The following VWA3B variants were observed in gnomAD, a reference collection of about 807,000 sequenced individuals.
VWA3B encodes von Willebrand factor A domain containing 3B.
Under a neutral mutation model 158.3 loss-of-function variants are expected in VWA3B, and 138 were observed. The observed-to-expected ratio is 0.87, with a 90% confidence interval of 0.76 to 1.00. The LOEUF (loss-of-function observed/expected upper bound fraction) is 1.00. Among genes scored for constraint, VWA3B ranks in the 50% least tolerant of loss-of-function variants. The pLI, the probability that VWA3B is intolerant of heterozygous loss-of-function variation, is 0.00. For missense variants in VWA3B, 1,555 were observed against 1,565.1 expected (o/e 0.99, Z 0.11); for synonymous variants, 596 against 587.3 (o/e 1.01, Z -0.21).
At chr2:98,241,724 C>T (rs866312767) in intron 19 of VWA3B, among the ~76,000 whole-genome samples, 20 of 152,126 alleles carry the variant, frequency 1.3e-4, no homozygotes, top group Middle Eastern at 3.4e-3. Flanking sequence ...AGTTCTCAAG[C>T]ACATCCCATG....
At chr2:98,210,816 G>A (rs1389792754) in intron 12 of VWA3B, among the ~76,000 whole-genome samples, 1 of 152,188 alleles carries the variant, frequency 6.6e-6, no homozygotes, top group Non-Finnish European at 1.5e-5. Flanking sequence ...TAGCTAGGGT[G>A]TGGGTAATGT....
intron 22 of VWA3B, among the ~76,000 whole-genome samples, chr2:98,288,440 C>T (rs1689291945): frequency 6.6e-6 from 1 of 152,142 alleles, no homozygotes; most frequent in African/African-American, 2.4e-5. Flanking sequence ...CAATGGTTTA[C>T]ATTGTAGTTC....
At chr2:98,179,670 CTTTTCTTTCTTTCTTTCTCTTCCTTTCT>C in intron 8 of VWA3B, among the ~76,000 whole-genome samples, 1 of 151,964 alleles carries the variant, frequency 6.6e-6, no homozygotes, top group Non-Finnish European at 1.5e-5. Flanking sequence ...TTTTCTCTTT[CTTTTCTTTCTTTCTTTCTCTTCCTTTCT>C]TTTTCTTTCT....
chr2:98,122,449 G>T (rs563041528), intron 5 of VWA3B, among the ~76,000 whole-genome samples: 125 of 152,312 alleles, frequency 8.2e-4, no homozygotes, highest in Non-Finnish European at 1.3e-3. Flanking sequence ...GAGGGCAATG[G>T]TTTGTAATTG....
At chr2:98,150,948 G>A (rs372254232) in intron 7 of VWA3B, among the ~76,000 whole-genome samples, 6 of 152,040 alleles carry the variant, frequency 3.9e-5, no homozygotes, top group Admixed American at 6.6e-5. Flanking sequence ...GAGTCTTCTC[G>A]CCACCTGATG....
intron 10 of VWA3B, among the ~76,000 whole-genome samples, chr2:98,189,965 ATATATAAT>A (rs1327655957): frequency 6.6e-6 from 1 of 152,164 alleles, no homozygotes; most frequent in East Asian, 1.9e-4. Context: ...CAGACACAAG[ATATATAAT>A]TATATATGAG....
intron 16 of VWA3B, among the ~76,000 whole-genome samples, chr2:98,230,505 GTGTGTGTGTGTA>G (rs1426705135): frequency 6.6e-6 from 1 of 152,004 alleles, no homozygotes; most frequent in African/African-American, 2.4e-5. Context: ...ACCCGTGTGA[GTGTGTGTGTGTA>G]TGTGTGTGTG....
intron 1 of VWA3B, among the ~76,000 whole-genome samples, chr2:98,090,840 C>G (rs1321093659): frequency 6.6e-6 from 1 of 151,528 alleles, no homozygotes; most frequent in Non-Finnish European, 1.5e-5. Flanking sequence ...ACTGCAACCT[C>G]GAACTCCTGG....
intron 10 of VWA3B, among the ~76,000 whole-genome samples, chr2:98,189,677 T>C (rs1267980547): frequency 6.6e-6 from 1 of 152,218 alleles, no homozygotes; most frequent in Non-Finnish European, 1.5e-5. Context: ...AGTGTTGAAA[T>C]CTCCAACTGT....
At chr2:98,221,901 C>G (rs568181820) in intron 14 of VWA3B, among the ~76,000 whole-genome samples, 1 of 152,040 alleles carries the variant, frequency 6.6e-6, no homozygotes, top group Admixed American at 6.5e-5. Flanking sequence ...GGACTCAGCA[C>G]GAAGCTGAGC....
chr2:98,096,895 G>A (rs1481209418), intron 2 of VWA3B, among the ~76,000 whole-genome samples: 3 of 151,646 alleles, frequency 2.0e-5, no homozygotes, highest in Non-Finnish European at 2.9e-5. Flanking sequence ...TTATGTATTT[G>A]TATTCTCTAT....
At chr2:98,309,208 A>G (rs1200710916) in intron 26 of VWA3B, among the ~76,000 whole-genome samples, 17 of 151,882 alleles carry the variant, frequency 1.1e-4, no homozygotes, top group Non-Finnish European at 2.4e-4. Flanking sequence ...GCCTTTTTAG[A>G]GGGAGTATGA....
At chr2:98,146,143 A>G (rs1209082014) in intron 7 of VWA3B, among the ~76,000 whole-genome samples, 1 of 152,082 alleles carries the variant, frequency 6.6e-6, no homozygotes, top group African/African-American at 2.4e-5. Flanking sequence ...TGATGGCTTC[A>G]TATAGATATT....
intron 7 of VWA3B, among the ~76,000 whole-genome samples, chr2:98,160,198 T>G (rs1297058232): frequency 6.6e-6 from 1 of 152,174 alleles, no homozygotes; most frequent in African/African-American, 2.4e-5. Context: ...ACTAAGTCCT[T>G]AAAAGTGACC....
At chr2:98,210,304 A>T (rs529564058) in intron 12 of VWA3B, among the ~76,000 whole-genome samples, 204 of 152,140 alleles carry the variant, frequency 1.3e-3, no homozygotes, top group Non-Finnish European at 2.3e-3. Flanking sequence ...CCCCTAGAAG[A>T]TGTATTTAGC....
At chr2:98,270,447 G>A (rs949231569) in intron 21 of VWA3B, among the ~76,000 whole-genome samples, 1 of 152,220 alleles carries the variant, frequency 6.6e-6, no homozygotes, top group African/African-American at 2.4e-5. Context: ...ATAGGGAAAA[G>A]TGCCTACCAT....
At chr2:98,204,071 A>G (rs945734066) in intron 12 of VWA3B, among the ~76,000 whole-genome samples, 1 of 152,240 alleles carries the variant, frequency 6.6e-6, no homozygotes. Context: ...ATGCCATTTT[A>G]TACGATACTT....
chr2:98,186,647 G>A (rs762470996), intron 9 of VWA3B, among the ~76,000 whole-genome samples: 7 of 149,910 alleles, frequency 4.7e-5, no homozygotes, highest in African/African-American at 9.9e-5. Flanking sequence ...GAACGCTGTC[G>A]GTTCTGTTTT....
At chr2:98,134,553 A>G (rs1573864591) in intron 7 of VWA3B, among the ~76,000 whole-genome samples, 1 of 152,144 alleles carries the variant, frequency 6.6e-6, no homozygotes, top group Non-Finnish European at 1.5e-5. Context: ...GTTTCTTTTA[A>G]GCTGATGAAA....
Sources: gnomAD v4.1 joint callset for allele counts (sites outside exome capture counted in the v4.1 genomes callset) on GRCh38, gnomAD v4.1.1 for gene constraint, MANE v1.5 for transcripts, NCBI Gene and HGNC (gene_info 2026-07-23, HGNC 2026-07-21) for gene names.